Variants in PTPN13 observed in about 807,000 individuals in gnomAD.
The protein encoded by PTPN13 is tyrosine-protein phosphatase non-receptor type 13.
Under a neutral mutation model 284.0 loss-of-function variants are expected in PTPN13, and 191 were observed. That is an observed-to-expected ratio of 0.67 (90% CI 0.60 to 0.76). The LOEUF (loss-of-function observed/expected upper bound fraction) is 0.76. PTPN13 is among the 30% of genes least tolerant of loss of function. The probability of loss-of-function intolerance (pLI) is 0.00; values close to 1 mark genes in which losing one functional copy is unlikely to be tolerated. For synonymous variants in PTPN13, 986 were observed against 1,022.3 expected (o/e 0.96, Z 0.68); for missense variants, 2,797 against 2,939.9 (o/e 0.95, Z 1.12).
chr4:86,801,560 C>T (rs1487230551), intron 42 of PTPN13, among the ~76,000 whole-genome samples: 1 of 152,108 alleles, frequency 6.6e-6, no homozygotes, highest in African/African-American at 2.4e-5. Context: ...ACCTAAGAAG[C>T]ACTGAGAATG....
chr4:86,643,774 T>G (rs1724092194), intron 2 of PTPN13, among the ~76,000 whole-genome samples: 1 of 152,214 alleles, frequency 6.6e-6, no homozygotes, highest in Non-Finnish European at 1.5e-5. Flanking sequence ...CAGCCCAGTT[T>G]AAATGACTTA....
At chr4:86,677,638 T>G (rs1302637340) in intron 3 of PTPN13, among the ~76,000 whole-genome samples, 2 of 151,698 alleles carry the variant, frequency 1.3e-5, no homozygotes, top group Non-Finnish European at 2.9e-5. Flanking sequence ...GTGTGGGTTT[T>G]TTTTTTTTTT....
chr4:86,714,479 C>T (rs1732783396), intron 7 of PTPN13, among the ~76,000 whole-genome samples: 1 of 152,086 alleles, frequency 6.6e-6, no homozygotes, highest in African/African-American at 2.4e-5. Context: ...ACTTCAGTCT[C>T]TCCCACTCAA....
chr4:86,613,507 G>A (rs913090708), intron 1 of PTPN13, among the ~76,000 whole-genome samples: 4 of 151,942 alleles, frequency 2.6e-5, no homozygotes, highest in African/African-American at 4.8e-5. Flanking sequence ...GGTGACGGGC[G>A]CCTGTAATCC....
intron 1 of PTPN13, among the ~76,000 whole-genome samples, chr4:86,595,365 C>T (rs1168335274): frequency 6.6e-6 from 1 of 151,944 alleles, no homozygotes; most frequent in Non-Finnish European, 1.5e-5. Flanking sequence ...AAAGTTAACA[C>T]TCTACCCTCC....
At chr4:86,752,376 G>A (rs1246797110) in intron 19 of PTPN13, among the ~76,000 whole-genome samples, 2 of 152,036 alleles carry the variant, frequency 1.3e-5, no homozygotes, top group Non-Finnish European at 2.9e-5. Flanking sequence ...TATTAATGTA[G>A]GCTTTCGCAA....
chr4:86,808,431 A>G (rs911267130), intron 45 of PTPN13, among the ~76,000 whole-genome samples: 1 of 152,214 alleles, frequency 6.6e-6, no homozygotes, highest in African/African-American at 2.4e-5. Flanking sequence ...TAAAGCTGCT[A>G]CTGTTTCCTC....
intron 40 of PTPN13, among the ~76,000 whole-genome samples, chr4:86,790,639 A>G (rs1231533673): frequency 6.6e-6 from 1 of 152,174 alleles, no homozygotes; most frequent in Non-Finnish European, 1.5e-5. Context: ...TGAATTTTTT[A>G]GTAAGGATTC....
intron 1 of PTPN13, among the ~76,000 whole-genome samples, chr4:86,624,279 CTTCTCTCTACTTAT>C (rs1721589558): frequency 6.6e-6 from 1 of 152,084 alleles, no homozygotes; most frequent in African/African-American, 2.4e-5. Context: ...AAATCTTTGA[CTTCTCTCTACTTAT>C]TTGTTGGTTG....
chr4:86,808,896 C>T (rs764003581), intron 45 of PTPN13, among the ~76,000 whole-genome samples: 3 of 151,948 alleles, frequency 2.0e-5, no homozygotes, highest in African/African-American at 7.3e-5. Flanking sequence ...AGAAGTATGT[C>T]GTAATTTTCA....
chr4:86,717,692 A>G (rs1470301601), intron 9 of PTPN13, among the ~76,000 whole-genome samples: 2 of 152,160 alleles, frequency 1.3e-5, no homozygotes, highest in African/African-American at 2.4e-5. Flanking sequence ...ATAAAATAAC[A>G]GGAAGGTCAA....
At chr4:86,616,540 G>A (rs1578258459) in intron 1 of PTPN13, among the ~76,000 whole-genome samples, 1 of 151,890 alleles carries the variant, frequency 6.6e-6, no homozygotes, top group Middle Eastern at 3.4e-3. Context: ...TAGATCGTGG[G>A]GCCATGGGGG....
At chr4:86,602,679 A>G (rs905425203) in intron 1 of PTPN13, among the ~76,000 whole-genome samples, 3 of 151,060 alleles carry the variant, frequency 2.0e-5, no homozygotes, top group South Asian at 2.1e-4. Context: ...TCAAACTACT[A>G]TAATTATTTT....
At chr4:86,601,770 ACTGT>A (rs1259468117) in intron 1 of PTPN13, among the ~76,000 whole-genome samples, 1 of 152,192 alleles carries the variant, frequency 6.6e-6, no homozygotes, top group Non-Finnish European at 1.5e-5. Flanking sequence ...CTTAAGAATC[ACTGT>A]CTGTGAGCCA....
intron 30 of PTPN13, among the ~76,000 whole-genome samples, chr4:86,770,905 C>T (rs1739916072): frequency 6.6e-6 from 1 of 152,028 alleles, no homozygotes; most frequent in South Asian, 2.1e-4. Flanking sequence ...TATTTAAGGA[C>T]TTAAGAAAAT....
chr4:86,638,528 A>G (rs2148740671), intron 2 of PTPN13, among the ~76,000 whole-genome samples: 1 of 152,314 alleles, frequency 6.6e-6, no homozygotes, highest in Admixed American at 6.5e-5. Flanking sequence ...AATGCCACAT[A>G]TCTACAACTA....
intron 7 of PTPN13, among the ~76,000 whole-genome samples, chr4:86,707,043 G>A (rs1731850031): frequency 1.3e-5 from 2 of 152,064 alleles, no homozygotes; most frequent in African/African-American, 4.8e-5. Flanking sequence ...TTCTTGTAAT[G>A]TGATTACCAT....
chr4:86,775,558 T>C lies in PTPN13; in HGVS notation c.5797T>C (p.Tyr1933His), dbSNP rs765677214. The C allele has an allele frequency of 1.2e-6, 2 of 1,613,636 alleles. No individual in the cohort carries two copies. The highest frequency in any genetic ancestry group is 1.7e-6 in the Non-Finnish European group (2 of 1,179,800). Reference protein sequence around the residue: ...GNLQLLDVIHYVNGVSTQGMT... With the variant: ...GNLQLLDVIHHVNGVSTQGMT... Reference sequence around the variant, plus strand: ...TCTCCAGCTATTAGATGTCATCCATTATGTGAACGGAGTCAGCACACAAGG... The same window carrying C: ...TCTCCAGCTATTAGATGTCATCCATCATGTGAACGGAGTCAGCACACAAGG... The change falls in exon 35 of 48, where the codon TAT (tyrosine) becomes CAT (histidine). Residue 1933 changes from tyrosine to histidine, a missense_variant. Transcript: ENST00000411767.
At chr4:86,805,614 G>C (rs1306304088) in intron 44 of PTPN13, among the ~76,000 whole-genome samples, 1 of 152,128 alleles carries the variant, frequency 6.6e-6, no homozygotes, top group African/African-American at 2.4e-5. Flanking sequence ...ATTTTTACTA[G>C]TATACAGTAT....
Sources: allele counts gnomAD v4.1 joint callset (sites outside exome capture counted in the v4.1 genomes callset), GRCh38; gene constraint gnomAD v4.1.1; transcripts MANE v1.5; gene names NCBI Gene and HGNC (gene_info 2026-07-23, HGNC 2026-07-21).